ZNF280D: variants seen among roughly 807,000 people sequenced by gnomAD.
ZNF280D encodes suppressor of hairy wing homolog 4.
Under a neutral mutation model 94.7 loss-of-function variants are expected in ZNF280D, and 39 were observed. That is an observed-to-expected ratio of 0.41 (90% CI 0.32 to 0.54). The LOEUF (loss-of-function observed/expected upper bound fraction) is 0.54, where lower values mean the gene tolerates loss of function less well. Ranked by LOEUF, ZNF280D falls within the 20% of genes least tolerant of loss-of-function variation. ZNF280D has a pLI of 0.22. For synonymous variants in ZNF280D, 398 were observed against 377.6 expected (o/e 1.05, Z -0.63); for missense variants, 1,090 against 1,149.3 (o/e 0.95, Z 0.75).
At chr15:56,701,876 T>A (rs1209074464) in intron 4 of ZNF280D, among the ~76,000 whole-genome samples, 1 of 152,102 alleles carries the variant, frequency 6.6e-6, no homozygotes, top group Non-Finnish European at 1.5e-5. Context: ...CAGAAGTCAA[T>A]CTGAGCCTGC....
At chr15:56,653,292 T>C (rs2053318236) in intron 19 of ZNF280D, 1 of 1,207,494 alleles carries the variant, frequency 8.3e-7, no homozygotes, top group African/African-American at 1.6e-5. Flanking sequence ...GATGGGCTTT[T>C]CTTGGTCATA....
At chr15:56,722,062 A>T (rs1391481351) in intron 1 of ZNF280D, among the ~76,000 whole-genome samples, 5 of 152,190 alleles carry the variant, frequency 3.3e-5, no homozygotes, top group Admixed American at 3.3e-4. Context: ...CAATATTGCT[A>T]TGTCTCAGGG....
At chr15:56,718,257 T>G (rs1226918646) in intron 1 of ZNF280D, among the ~76,000 whole-genome samples, 2 of 152,034 alleles carry the variant, frequency 1.3e-5, no homozygotes, top group East Asian at 3.8e-4. Flanking sequence ...AGCAGTTAGG[T>G]TGAAGCTCAA....
chr15:56,727,494 G>T (rs1295879174), intron 1 of ZNF280D, among the ~76,000 whole-genome samples: 1 of 152,058 alleles, frequency 6.6e-6, no homozygotes, highest in African/African-American at 2.4e-5. Flanking sequence ...AGAAATTAAT[G>T]CCCTGCTACT....
At chr15:56,673,070 T>C (rs2054975526) in intron 13 of ZNF280D, among the ~76,000 whole-genome samples, 1 of 151,954 alleles carries the variant, frequency 6.6e-6, no homozygotes, top group Admixed American at 6.6e-5. Flanking sequence ...ATACAGCAGG[T>C]AAAAAGTTCA....
At position 56,631,309 on chromosome 15, in the gene ZNF280D, C is replaced by T; in HGVS notation, c.*189G>A. 1.7e-6 allele frequency: 1 copy of T among 580,738 alleles called. No homozygotes were observed. The highest frequency in any genetic ancestry group is 2.9e-6 in the Non-Finnish European group (1 of 343,312). The allele number at this position is 580,738 out of a possible 1,614,324, so 36.0% of individuals were successfully genotyped here. ...GTTTTTAAAAACTTTTTGGGAATCCCTACTAATCATGCTATTATTGGTGAA... is the reference window on the plus strand; with the variant it reads ...GTTTTTAAAAACTTTTTGGGAATCCTTACTAATCATGCTATTATTGGTGAA... On this transcript the variant is annotated 3_prime_UTR_variant, in exon 22 of 22. Coordinates refer to ENST00000267807, the MANE Select transcript of ZNF280D (RefSeq NM_017661.4).
At chr15:56,671,081 G>A (rs1387896208) in intron 13 of ZNF280D, among the ~76,000 whole-genome samples, 3 of 151,960 alleles carry the variant, frequency 2.0e-5, no homozygotes, top group Non-Finnish European at 4.4e-5. Context: ...TTAGACCTTT[G>A]TCAGATGCAT....
At chr15:56,725,562 C>T (rs2058589269) in intron 1 of ZNF280D, among the ~76,000 whole-genome samples, 1 of 152,058 alleles carries the variant, frequency 6.6e-6, no homozygotes, top group Non-Finnish European at 1.5e-5. Context: ...ACCTGTTGCA[C>T]TACACTCTTC....
intron 3 of ZNF280D, among the ~76,000 whole-genome samples, chr15:56,705,258 A>G (rs2057336967): frequency 6.6e-6 from 1 of 152,214 alleles, no homozygotes; most frequent in Non-Finnish European, 1.5e-5. Context: ...AATAATTAAA[A>G]ATACTAATTT....
chr15:56,653,495 A>C (rs1467302464), intron 19 of ZNF280D: 1 of 1,516,514 alleles, frequency 6.6e-7, no homozygotes, highest in East Asian at 2.5e-5. Context: ...CAAATTATTC[A>C]CATTCCTTGG....
At chr15:56,688,408 G>A (rs1056000445) in intron 9 of ZNF280D, among the ~76,000 whole-genome samples, 25 of 150,080 alleles carry the variant, frequency 1.7e-4, no homozygotes, top group African/African-American at 5.6e-4. Context: ...GGAGAATGGC[G>A]TGAACCTGGG....
chr15:56,663,513 A>C (rs1214556061), intron 16 of ZNF280D, among the ~76,000 whole-genome samples: 4 of 151,988 alleles, frequency 2.6e-5, no homozygotes, highest in Non-Finnish European at 4.4e-5. Context: ...AAGAATCAAC[A>C]CTGCAGAGAA....
chr15:56,713,067 A>G (rs931119977), intron 1 of ZNF280D, among the ~76,000 whole-genome samples: 8 of 152,052 alleles, frequency 5.3e-5, no homozygotes, highest in Non-Finnish European at 7.4e-5. Flanking sequence ...ATCTCCCCCA[A>G]TCCCATAAAT....
At position 56,689,293 on chromosome 15, in the gene ZNF280D, T is replaced by C. The variant is rs2056274249; in HGVS notation, c.670+7A>G. 1.9e-6 allele frequency: 3 copies of C among 1,592,166 alleles called. No homozygotes were observed. The highest frequency in any genetic ancestry group is 1.8e-5 in the Admixed American group (1 of 54,082). ...ACTTCTTTTTATGTACCACATTTCATATTTACCTTTTGCTAGCATAGCCTG... is the reference window on the plus strand; with the variant it reads ...ACTTCTTTTTATGTACCACATTTCACATTTACCTTTTGCTAGCATAGCCTG... On this transcript the variant is annotated splice_region_variant and intron_variant, in intron 8 of 21. Transcript: ENST00000267807.
chr15:56,679,845 T>C lies in ZNF280D; in HGVS notation c.1005-1024A>G, dbSNP rs976993223. Among the ~76,000 whole-genome samples the C allele has an allele frequency of 3.9e-5, 6 of 152,216 alleles. No individual in the cohort carries two copies. The East Asian group carries it at 9.6e-4, about 24-fold the overall frequency. On this transcript the variant is annotated intron_variant, in intron 10 of 21. Coordinates refer to ENST00000267807, the MANE Select transcript of ZNF280D (RefSeq NM_017661.4). Reference sequence around the variant, plus strand: ...TCTTTAGAGTGGGCTATGGTACACCTTGAAATATCTTTTCCTCCTTTGGTT... The same window carrying C: ...TCTTTAGAGTGGGCTATGGTACACCCTGAAATATCTTTTCCTCCTTTGGTT...
In ZNF280D at chr15:56,707,099, T is replaced by C; in HGVS notation, c.11A>G (p.Asn4Ser). 1 of 1,613,982 alleles carries C rather than the reference T, an allele frequency of 6.2e-7. No homozygotes were observed. Among genetic ancestry groups the C allele is most frequent in the Non-Finnish European group, 8.5e-7 (1 of 1,179,938 alleles). The change falls in exon 3 of 22, where the codon AAC (asparagine) becomes AGC (serine). Residue 4 changes from asparagine (N) to serine (S), a missense_variant. By Grantham distance (46) the Asn-to-Ser change is conservative. Around this residue, in one of 3 missense-constraint regions of ZNF280D, gnomAD observed 386 missense variants for 372.0 expected, o/e 1.04. Transcript: ENST00000267807. ...ACACTTACTTTTTGGTTGAAAAGGG[T>C]TGTCGCCCATCAAGCTGCAGAGATG... MGD[N>S]PFQPKSNSKM...
chr15:56,654,094 AC>A, intron 19 of ZNF280D, 103 bp downstream of exon 19: 1 of 1,517,874 alleles, frequency 6.6e-7, no homozygotes, highest in South Asian at 1.4e-5. Context: ...CAAAAAAACA[AC>A]AACATACTTT....
At chr15:56,695,871 T>G (rs1393735677) in intron 6 of ZNF280D, among the ~76,000 whole-genome samples, 1 of 152,016 alleles carries the variant, frequency 6.6e-6, no homozygotes, top group African/African-American at 2.4e-5. Flanking sequence ...GAATGTTCAG[T>G]GAAAAAAGAG....
chr15:56,692,383 G>A (rs1458765109), intron 7 of ZNF280D, among the ~76,000 whole-genome samples: 1 of 151,900 alleles, frequency 6.6e-6, no homozygotes, highest in Admixed American at 6.6e-5. Flanking sequence ...TCATGTATAC[G>A]TCTGTTTAGT....
Sources: allele counts gnomAD v4.1 joint callset (sites outside exome capture counted in the v4.1 genomes callset), GRCh38; gene constraint gnomAD v4.1.1; regional missense constraint gnomAD v4.1.1; transcripts MANE v1.5; gene names NCBI Gene and HGNC (gene_info 2026-07-23, HGNC 2026-07-21).